The following CDH11 variants were observed in gnomAD, a reference collection of about 807,000 sequenced individuals.
CDH11 encodes cadherin 11.
A neutral mutation model predicts 67.8 loss-of-function variants in CDH11; 11 were observed. That is an observed-to-expected ratio of 0.16 (90% CI 0.10 to 0.27). CDH11 has a LOEUF of 0.27. Ranked by LOEUF, CDH11 falls within the 10% of genes least tolerant of loss-of-function variation. The pLI, the probability that CDH11 is intolerant of heterozygous loss-of-function variation, is 1.00. For missense variants in CDH11, 847 were observed against 1,031.2 expected (o/e 0.82, Z 2.45); for synonymous variants, 419 against 400.0 (o/e 1.05, Z -0.57).
chr16:65,000,213 C>T (rs1193351436), intron 3 of CDH11, among the ~76,000 whole-genome samples: 1 of 152,174 alleles, frequency 6.6e-6, no homozygotes, highest in Non-Finnish European at 1.5e-5. Flanking sequence ...CTGTTCTGCC[C>T]TCACTCTGCT....
At chr16:64,972,211 GA>G (rs1209698998) in intron 9 of CDH11, 147 bp from the exon 10 acceptor site, 3 of 663,510 alleles carry the variant, frequency 4.5e-6, no homozygotes, top group Non-Finnish European at 7.9e-6. Context: ...TTTAAGAGCT[GA>G]AGGGTGCTGT....
At position 64,945,561 on chromosome 16, in the gene CDH11, T is replaced by C; in HGVS notation, c.*2042A>G. 1 of 1,030,240 alleles carries C rather than the reference T, an allele frequency of 9.7e-7. No individual in the cohort carries two copies. The highest frequency in any genetic ancestry group is 1.2e-6 in the Non-Finnish European group (1 of 856,562). The allele number at this position is 1,030,240 out of a possible 1,614,324, so 63.8% of individuals were successfully genotyped here. On this transcript the variant is annotated 3_prime_UTR_variant, in exon 13 of 13. Transcript: ENST00000268603. ...GGAGATCTGTGCAAATCTAGCAAAA[T>C]ATTCTTTGGATTACAAAAACTATAT...
intron 3 of CDH11, among the ~76,000 whole-genome samples, chr16:65,000,509 A>C (rs1353605903): frequency 6.6e-6 from 1 of 152,216 alleles, no homozygotes; most frequent in Admixed American, 6.5e-5. Context: ...TAAAATAATA[A>C]AAAGAGGCCA....
intron 11 of CDH11, among the ~76,000 whole-genome samples, chr16:64,969,376 C>T (rs1413792320): frequency 6.6e-6 from 1 of 152,132 alleles, no homozygotes; most frequent in African/African-American, 2.4e-5. Flanking sequence ...GCTAGGAATA[C>T]AGCCCCAGGA....
At chr16:65,066,721 G>A (rs1383070967) in intron 1 of CDH11, among the ~76,000 whole-genome samples, 1 of 152,156 alleles carries the variant, frequency 6.6e-6, no homozygotes, top group Non-Finnish European at 1.5e-5. Context: ...TGAACATTTT[G>A]TTGTTTTAAG....
chr16:65,094,009 T>C (rs1021872995), intron 1 of CDH11, among the ~76,000 whole-genome samples: 2 of 152,210 alleles, frequency 1.3e-5, no homozygotes, highest in Admixed American at 6.5e-5. Flanking sequence ...CTCCCAATGA[T>C]TGGCCTTGTG....
chr16:65,051,976 G>T (rs537135811), intron 2 of CDH11, among the ~76,000 whole-genome samples: 14 of 152,272 alleles, frequency 9.2e-5, no homozygotes, highest in Non-Finnish European at 1.5e-5. Context: ...TTTATAAAAT[G>T]TTGGATATTA....
chr16:65,029,906 C>A (rs1242531765), intron 2 of CDH11, among the ~76,000 whole-genome samples: 4 of 152,098 alleles, frequency 2.6e-5, no homozygotes, highest in African/African-American at 9.7e-5. Context: ...GTCACGAGTA[C>A]CTTTGATAAA....
intron 1 of CDH11, among the ~76,000 whole-genome samples, chr16:65,105,493 A>G (rs12931204): frequency 0.23 from 34,855 of 152,224 alleles, 4,570 homozygotes; most frequent in Non-Finnish European, 0.31. Flanking sequence ...TGCAACAGAC[A>G]TGATTGTTTC....
chr16:65,066,465 C>T (rs1201628928), intron 1 of CDH11, among the ~76,000 whole-genome samples: 1 of 152,218 alleles, frequency 6.6e-6, no homozygotes, highest in South Asian at 2.1e-4. Context: ...ACAGAGTGTT[C>T]AGCCTCTGGT....
At chr16:64,973,408 A>G (rs1057351869) in intron 8 of CDH11, among the ~76,000 whole-genome samples, 24 of 152,226 alleles carry the variant, frequency 1.6e-4, no homozygotes, top group African/African-American at 5.1e-4. Flanking sequence ...TCACAAATGT[A>G]TCAAACCTTT....
At position 64,945,466 on chromosome 16, in the gene CDH11, T is replaced by C. The variant is rs2071180606; in HGVS notation, c.*2137A>G. 9.6e-7 allele frequency: 1 copy of C among 1,036,386 alleles called. No individual in the cohort carries two copies. The highest frequency in any genetic ancestry group is 5.6e-5 in the Admixed American group (1 of 17,806). 64.2% of individuals were successfully genotyped at this position (1,036,386 alleles called of 1,614,324 possible). A position where few individuals can be genotyped will look rare whatever the true frequency, so the allele number is the denominator to read the frequency against. ...GGATCATCCATGGTGACAGGGTTACTTACAGCTGTATACTTATTTAAATGC... is the reference window on the plus strand; with the variant it reads ...GGATCATCCATGGTGACAGGGTTACCTACAGCTGTATACTTATTTAAATGC... On this transcript the variant is annotated 3_prime_UTR_variant, in exon 13 of 13. Transcript: ENST00000268603.
intron 1 of CDH11, among the ~76,000 whole-genome samples, chr16:65,067,086 T>C (rs941414726): frequency 7.9e-5 from 12 of 152,262 alleles, no homozygotes; most frequent in African/African-American, 2.6e-4. Flanking sequence ...AACTTTCTCC[T>C]TTCTTCTATT....
At chr16:65,111,672 G>GAAAC (rs2075159126) in intron 1 of CDH11, among the ~76,000 whole-genome samples, 1 of 80,674 alleles carries the variant, frequency 1.2e-5, no homozygotes, top group Non-Finnish European at 2.3e-5. Flanking sequence ...AGGAAAGCTA[G>GAAAC]AAACACACAC....
At chr16:64,986,797 A>G (rs144004012) in intron 7 of CDH11, 2 of 152,074 alleles carry the variant, frequency 1.3e-5, no homozygotes, top group East Asian at 1.9e-4. Flanking sequence ...TTTTTTTATA[A>G]CAATCACCCC....
At chr16:64,977,576 C>T (rs182321564) in intron 8 of CDH11, among the ~76,000 whole-genome samples, 3 of 152,190 alleles carry the variant, frequency 2.0e-5, no homozygotes, top group Non-Finnish European at 4.4e-5. Flanking sequence ...GGTCCATAGT[C>T]ATTATGTAAC....
rs3046001 is a variant in CDH11 at position 64,945,301 on chromosome 16, T to TAAAAAAAAAAAAAAAAAAA, written c.*2301_*2302insTTTTTTTTTTTTTTTTTTT. On this transcript the variant is annotated 3_prime_UTR_variant, in exon 13 of 13. Coordinates refer to ENST00000268603, the MANE Select transcript of CDH11 (RefSeq NM_001797.4). ...AGAGGCTTAACGAAAAAATAAAAGGTAAAAAAAAAAAAAAAAAAGAAAAAG... is the reference window on the plus strand; with the variant it reads ...AGAGGCTTAACGAAAAAATAAAAGGTAAAAAAAAAAAAAAAAAAAAAAAAAAAAAAAAAAAAAGAAAAAG... The TAAAAAAAAAAAAAAAAAAA allele has an allele frequency of 2.7e-6, 1 of 371,902 alleles. No homozygotes were observed. Among genetic ancestry groups the TAAAAAAAAAAAAAAAAAAA allele is most frequent in the African/African-American group, 2.5e-5 (1 of 39,596 alleles). 23.0% of individuals were successfully genotyped at this position (371,902 alleles called of 1,614,324 possible).
intron 2 of CDH11, among the ~76,000 whole-genome samples, chr16:65,018,609 T>A (rs2073362236): frequency 6.6e-6 from 1 of 152,180 alleles, no homozygotes; most frequent in South Asian, 2.1e-4. Flanking sequence ...AACATTTTAT[T>A]GACTCTGAAA....
chr16:65,001,876 C>A (rs1181505001), intron 3 of CDH11, among the ~76,000 whole-genome samples: 2 of 151,874 alleles, frequency 1.3e-5, no homozygotes, highest in Non-Finnish European at 2.9e-5. Flanking sequence ...GCATACGCAG[C>A]CAATTCCTAA....
Sources: allele counts gnomAD v4.1 joint callset (sites outside exome capture counted in the v4.1 genomes callset), GRCh38; gene constraint gnomAD v4.1.1; transcripts MANE v1.5; gene names NCBI Gene and HGNC (gene_info 2026-07-23, HGNC 2026-07-21).